Variants in ENTPD1 observed in about 807,000 individuals in gnomAD.
ENTPD1 encodes the protein ectonucleoside triphosphate diphosphohydrolase 1, also known as ATP diphosphohydrolase.
Under a neutral mutation model 57.0 loss-of-function variants are expected in ENTPD1, and 33 were observed. The observed-to-expected ratio is 0.58, with a 90% CI of 0.44 to 0.77. ENTPD1 has a LOEUF of 0.77. ENTPD1 is among the 30% of genes least tolerant of loss of function. ENTPD1 has a pLI of 0.00. For synonymous variants in ENTPD1, 202 were observed against 218.8 expected, an observed-to-expected ratio of 0.92 and a Z score of 0.68; for missense variants, 501 against 603.4, an observed-to-expected ratio of 0.83 and a Z score of 1.78.
chr10:95,724,856 C>G (rs2097981897), intron 1 of ENTPD1, among the ~76,000 whole-genome samples: 1 of 152,130 alleles, frequency 6.6e-6, no homozygotes, highest in Non-Finnish European at 1.5e-5. Context: ...GGGAGGGGAC[C>G]CAAAGGGGGT....
chr10:95,728,063 G>T (rs2097985486), intron 1 of ENTPD1, among the ~76,000 whole-genome samples: 1 of 152,166 alleles, frequency 6.6e-6, no homozygotes, highest in African/African-American at 2.4e-5. Flanking sequence ...TTGGGAATAT[G>T]AAAATAATAG....
At chr10:95,855,293 GA>G (rs2098452485) in intron 7 of ENTPD1, among the ~76,000 whole-genome samples, 1 of 151,812 alleles carries the variant, frequency 6.6e-6, no homozygotes. Context: ...TTGCTTGATA[GA>G]TCTTCCTCCA....
At position 95,844,531 on chromosome 10, in the gene ENTPD1, A is replaced by G; in HGVS notation, c.469A>G (p.Ser157Gly). 6.2e-7 allele frequency: 1 copy of G among 1,614,246 alleles called. No homozygotes were observed. Among genetic ancestry groups the G allele is most frequent in the Non-Finnish European group, 8.5e-7 (1 of 1,180,038 alleles). ...RVLDVVERSL[S>G]NYPFDFQGAR... ...TCTGGATGTGGTGGAGAGGAGCCTC[A>G]GCAACTACCCCTTTGACTTCCAGGG... Residue 157 changes from serine (S) to glycine (G), a missense_variant, in exon 5 of 10, where the codon AGC becomes GGC. Physicochemically the swap from Ser to Gly is moderately conservative, Grantham distance 56. Coordinates refer to ENST00000371205, the MANE Select transcript of ENTPD1 (RefSeq NM_001776.6).
intron 1 of ENTPD1, among the ~76,000 whole-genome samples, chr10:95,768,199 C>G (rs2098098271): frequency 6.6e-6 from 1 of 152,234 alleles, no homozygotes; most frequent in Non-Finnish European, 1.5e-5. Flanking sequence ...TTTTGTTCCC[C>G]ATTTCTGAAA....
chr10:95,819,944 AG>A (rs1390401210), intron 1 of ENTPD1, among the ~76,000 whole-genome samples: 1 of 152,230 alleles, frequency 6.6e-6, no homozygotes, highest in African/African-American at 2.4e-5. Context: ...AGGGCTTTTC[AG>A]GGGGAAGACA....
intron 8 of ENTPD1, 87 bp from the exon 9 acceptor site, chr10:95,864,635 CCT>C: frequency 1.3e-6 from 2 of 1,573,814 alleles, no homozygotes; most frequent in South Asian, 1.1e-5. Context: ...GGGGCTTTCC[CCT>C]CTCTTCATCA....
chr10:95,795,431 C>CTT (rs2098222304), intron 1 of ENTPD1, among the ~76,000 whole-genome samples: 1 of 152,024 alleles, frequency 6.6e-6, no homozygotes, highest in African/African-American at 2.4e-5. Context: ...TCTGTTTGGG[C>CTT]ACAATAGGTT....
chr10:95,841,885 C>T (rs2098423395), intron 3 of ENTPD1, among the ~76,000 whole-genome samples: 1 of 152,178 alleles, frequency 6.6e-6, no homozygotes, highest in African/African-American at 2.4e-5. Flanking sequence ...AAGGTGCTGG[C>T]CAGGATCAGA....
chr10:95,713,721 T>C (rs2139810691), intron 1 of ENTPD1, among the ~76,000 whole-genome samples: 1 of 152,364 alleles, frequency 6.6e-6, no homozygotes, highest in African/African-American at 2.4e-5. Flanking sequence ...CATTTGTTAT[T>C]GATGGACAAA....
In ENTPD1 at chr10:95,871,402, A is replaced by G. The variant is rs938363536; in HGVS notation, c.*5019A>G. The G allele has an allele frequency of 2.0e-6, 2 of 985,348 alleles. No individual in the cohort carries two copies. Among genetic ancestry groups the G allele is most frequent in the Non-Finnish European group, 2.4e-6 (2 of 829,934 alleles). The allele number at this position is 985,348 out of a possible 1,614,324, so 61.0% of individuals were successfully genotyped here. ...TAATCAGGATGCTGTGGCAGCTCCCACATTAGCCTCGCATTCTAAACTGGT... is the reference window on the plus strand; with the variant it reads ...TAATCAGGATGCTGTGGCAGCTCCCGCATTAGCCTCGCATTCTAAACTGGT... On this transcript the variant is annotated 3_prime_UTR_variant, in exon 10 of 10. Coordinates refer to ENST00000371205, the MANE Select transcript of ENTPD1 (RefSeq NM_001776.6).
In ENTPD1 at chr10:95,870,296, T is replaced by C. The variant is rs2098479015; in HGVS notation, c.*3913T>C. 2.0e-6 allele frequency: 2 copies of C among 983,756 alleles called. No individual in the cohort carries two copies. Among genetic ancestry groups the C allele is most frequent in the Non-Finnish European group, 2.4e-6 (2 of 828,530 alleles). 60.9% of individuals were successfully genotyped at this position (983,756 alleles called of 1,614,324 possible). ...TTTGAATATTAAAATAAAGATGATTTTTTTTTTGGAGCTAGTCTTGCTCTG... is the reference window on the plus strand; with the variant it reads ...TTTGAATATTAAAATAAAGATGATTCTTTTTTTGGAGCTAGTCTTGCTCTG... On this transcript the variant is annotated 3_prime_UTR_variant, in exon 10 of 10. Coordinates refer to ENST00000371205, the MANE Select transcript of ENTPD1 (RefSeq NM_001776.6).
chr10:95,752,620 G>A (rs1047330489), upstream of ENTPD1, among the ~76,000 whole-genome samples: 4 of 152,108 alleles, frequency 2.6e-5, no homozygotes, highest in Admixed American at 6.6e-5. Context: ...TGCTGAGATC[G>A]CGACATTGCA....
upstream of ENTPD1, among the ~76,000 whole-genome samples, chr10:95,708,493 T>C (rs1367331882): frequency 6.6e-6 from 1 of 152,248 alleles, no homozygotes; most frequent in East Asian, 1.9e-4. Flanking sequence ...ATTACAGGCA[T>C]GAGCTGCTGC....
chr10:95,865,006 A>T, intron 9 of ENTPD1, 145 bp downstream of exon 9: 1 of 1,013,942 alleles, frequency 9.9e-7, no homozygotes. Context: ...AAACCCTGGC[A>T]TTCTGTGTCA....
At chr10:95,788,281 C>T (rs1392275121) in intron 1 of ENTPD1, among the ~76,000 whole-genome samples, 2 of 151,968 alleles carry the variant, frequency 1.3e-5, no homozygotes, top group African/African-American at 2.4e-5. Context: ...AAATGGTAGA[C>T]GAATTCTCAT....
chr10:95,862,301 C>G (rs1179772174), intron 8 of ENTPD1, among the ~76,000 whole-genome samples: 4 of 152,180 alleles, frequency 2.6e-5, no homozygotes, highest in Admixed American at 2.6e-4. Context: ...CATCGTCCAC[C>G]CAGGTAGAAA....
chr10:95,818,198 A>AATTC lies in ENTPD1; in HGVS notation c.17-5016_17-5013dup, dbSNP rs550755554. Among the ~76,000 whole-genome samples the AATTC allele has an allele frequency of 8.9e-4, 135 of 152,302 alleles. 1 individual carries two copies. The highest frequency in any genetic ancestry group is 6.4e-3 in the South Asian group (31 of 4,822). ...ACTGAGAAAAGTTCAGAGAATCCAA[A>AATTC]ATTCATTCATTCATTCATTCATTCA... On this transcript the variant is annotated intron_variant, in intron 1 of 9. Transcript: ENST00000371205.
At chr10:95,861,262 CTCCTACTTAT>C (rs1289437059) in intron 8 of ENTPD1, 4 of 152,678 alleles carry the variant, frequency 2.6e-5, no homozygotes, top group African/African-American at 9.6e-5. Flanking sequence ...TCCAAGATAT[CTCCTACTTAT>C]TCATAAACTT....
chr10:95,746,140 CA>C (rs1370308371), intron 1 of ENTPD1, among the ~76,000 whole-genome samples: 1 of 152,052 alleles, frequency 6.6e-6, no homozygotes, highest in Non-Finnish European at 1.5e-5. Flanking sequence ...TGGAAGATAT[CA>C]GAGGGGGAAA....
Sources: gnomAD v4.1 joint callset for allele counts (sites outside exome capture counted in the v4.1 genomes callset) on GRCh38, gnomAD v4.1.1 for gene constraint, MANE v1.5 for transcripts, NCBI Gene and HGNC (gene_info 2026-07-23, HGNC 2026-07-21) for gene names.